Variants in SLCO1B3 observed in about 807,000 individuals in gnomAD.
The protein encoded by SLCO1B3 is liver-specific organic anion transporter 2.
Under a neutral mutation model 71.8 loss-of-function variants are expected in SLCO1B3, and 72 were observed. The ratio of observed to expected loss-of-function variants is 1.00; its 90% CI spans 0.83 to 1.22. SLCO1B3 has a LOEUF of 1.22. SLCO1B3 is among the 50% of genes most tolerant of loss of function. SLCO1B3 has a pLI of 0.00. For missense variants in SLCO1B3, 911 were observed against 819.7 expected, an observed-to-expected ratio of 1.11 and a Z score of -1.36; for synonymous variants, 298 against 278.4, an observed-to-expected ratio of 1.07 and a Z score of -0.70.
At chr12:20,892,653 T>G (rs1196604396) in intron 13 of SLCO1B3, among the ~76,000 whole-genome samples, 3 of 152,274 alleles carry the variant, frequency 2.0e-5, no homozygotes, top group Admixed American at 2.0e-4. Flanking sequence ...TGCTTCTACT[T>G]TCTTTGTTAT....
chr12:20,845,151 C>T, intron 3 of SLCO1B3: 1 of 461,772 alleles, frequency 2.2e-6, no homozygotes. Flanking sequence ...TCATTGAGCT[C>T]ACCGGGCTGA....
At chr12:20,915,771 C>G (rs1383657231) in intron 15 of SLCO1B3, among the ~76,000 whole-genome samples, 1 of 151,982 alleles carries the variant, frequency 6.6e-6, no homozygotes, top group Non-Finnish European at 1.5e-5. Context: ...TCCTCCCTCC[C>G]AAAGGAAGGC....
intron 3 of SLCO1B3, among the ~76,000 whole-genome samples, chr12:20,844,756 G>A (rs983524565): frequency 1.6e-4 from 25 of 152,012 alleles, no homozygotes; most frequent in East Asian, 1.9e-4. Context: ...TCGGCCAGGT[G>A]TGGTAGCTCA....
Position 20,826,919 on chromosome 12 carries a change from C to A in SLCO1B3, c.84+11097C>A, listed in dbSNP as rs533903682. 7.9e-5 allele frequency among the ~76,000 whole-genome samples: 12 copies of A among 151,936 alleles called. 1 individual carries two copies. In the South Asian group the frequency reaches 2.5e-3, roughly 32 times the overall value. Reference sequence around the variant, plus strand: ...CTATATTTTTTTAAATTGGAAATAACCCAGATACTTAATGTAACATAACTT... The same window carrying A: ...CTATATTTTTTTAAATTGGAAATAAACCAGATACTTAATGTAACATAACTT... On this transcript the variant is annotated intron_variant, in intron 3 of 15. Transcript: ENST00000381545.
At chr12:20,823,867 G>T (rs2121101338) in intron 3 of SLCO1B3, among the ~76,000 whole-genome samples, 1 of 152,284 alleles carries the variant, frequency 6.6e-6, no homozygotes, top group South Asian at 2.1e-4. Flanking sequence ...AAGATATGGG[G>T]CTAGTTTTTC....
chr12:20,827,460 TACATGAC>T (rs1158717821), intron 3 of SLCO1B3, among the ~76,000 whole-genome samples: 1 of 152,222 alleles, frequency 6.6e-6, no homozygotes, highest in African/African-American at 2.4e-5. Flanking sequence ...TAGTGAAACG[TACATGAC>T]ACATAAATAC....
chr12:20,830,257 A>C (rs896861578), intron 3 of SLCO1B3, among the ~76,000 whole-genome samples: 3 of 152,184 alleles, frequency 2.0e-5, no homozygotes, highest in Admixed American at 2.0e-4. Context: ...TTGTAAATCA[A>C]AAGGTATGAG....
chr12:20,818,650 A>G (rs1259028256), intron 3 of SLCO1B3, among the ~76,000 whole-genome samples: 1 of 152,184 alleles, frequency 6.6e-6, no homozygotes, highest in Non-Finnish European at 1.5e-5. Context: ...TTGAGGATAG[A>G]TTTCTACGAT....
At chr12:20,915,644 T>A (rs1866476899) in intron 15 of SLCO1B3, among the ~76,000 whole-genome samples, 1 of 152,182 alleles carries the variant, frequency 6.6e-6, no homozygotes, top group Non-Finnish European at 1.5e-5. Context: ...TGATAAGGCC[T>A]CAATCTTTTA....
At chr12:20,903,834 C>A (rs1428943648) in intron 15 of SLCO1B3, among the ~76,000 whole-genome samples, 1 of 152,190 alleles carries the variant, frequency 6.6e-6, no homozygotes, top group Non-Finnish European at 1.5e-5. Context: ...CCCTTCTCAA[C>A]AGTCCCCGTG....
intron 15 of SLCO1B3, among the ~76,000 whole-genome samples, chr12:20,905,885 TC>T (rs1866234301): frequency 6.6e-6 from 1 of 152,198 alleles, no homozygotes; most frequent in South Asian, 2.1e-4. Context: ...TATAGCAGTG[TC>T]CCACTCCCAG....
In SLCO1B3 at chr12:20,887,973, G is replaced by A. The variant is rs369021241; in HGVS notation, c.1682+4371G>A. On this transcript the variant is annotated intron_variant, in intron 13 of 15. Transcript: ENST00000381545. ...TCCAATTTTCCCAGCACCATTTATT[G>A]AATAGGGTGTCCTTTCCTCACTGTA... Among the ~76,000 whole-genome samples, 46 of 151,886 alleles carry A rather than the reference G, an allele frequency of 3.0e-4. 1 individual carries two copies. In the South Asian group the frequency reaches 9.1e-3, roughly 30 times the overall value.
At position 20,883,535 on chromosome 12, in the gene SLCO1B3, G is replaced by A. The variant is rs536840499; in HGVS notation, c.1615G>A (p.Ala539Thr). Residue 539 changes from alanine to threonine, a missense_variant, in exon 13 of 16, where the codon GCA (alanine) becomes ACA (threonine). Coordinates refer to ENST00000381545, the MANE Select transcript of SLCO1B3 (RefSeq NM_019844.4). ...TCTRKFFIYV[A>T]IQVINSLFSA... is the part of the protein sequence containing the mutation. The stretch of plus-strand genomic sequence containing the variant: ...TACAAGGAAATTTTTCATCTATGTT[G>A]CAATTCAAGTCATAAACTCTTTGTT... 4.4e-6 allele frequency: 7 copies of A among 1,604,746 alleles called. No individual in the cohort carries two copies. The South Asian group carries it at 4.5e-5, about 10-fold the overall frequency.
chr12:20,876,955 C>T (rs1437808873), intron 9 of SLCO1B3, among the ~76,000 whole-genome samples: 10 of 151,982 alleles, frequency 6.6e-5, no homozygotes, highest in East Asian at 1.9e-4. Flanking sequence ...CTCAGCCTCC[C>T]GAGTAGCTGG....
chr12:20,876,779 A>T (rs1350808871), intron 9 of SLCO1B3, among the ~76,000 whole-genome samples: 1 of 152,070 alleles, frequency 6.6e-6, no homozygotes. Flanking sequence ...CGTATCAAGG[A>T]TTTTTTATTT....
chr12:20,864,354 A>G (rs4149127), intron 8 of SLCO1B3, among the ~76,000 whole-genome samples: 117,650 of 151,986 alleles, frequency 0.77, 48,853 homozygotes, highest in Non-Finnish European at 0.93. Flanking sequence ...GTTAGCATAT[A>G]ATAACTCATC....
At chr12:20,881,338 A>G (rs866971034) in intron 12 of SLCO1B3, among the ~76,000 whole-genome samples, 1 of 152,196 alleles carries the variant, frequency 6.6e-6, no homozygotes, top group Non-Finnish European at 1.5e-5. Context: ...TCATTTGACT[A>G]AAGCACATGA....
intron 15 of SLCO1B3, among the ~76,000 whole-genome samples, chr12:20,911,934 G>A (rs1866385815): frequency 6.6e-6 from 1 of 151,908 alleles, no homozygotes; most frequent in Non-Finnish European, 1.5e-5. Flanking sequence ...ATTTCACTGT[G>A]CCCTACTTTT....
chr12:20,855,744 A>G (rs1327616036), intron 4 of SLCO1B3, among the ~76,000 whole-genome samples: 1 of 150,634 alleles, frequency 6.6e-6, no homozygotes, highest in Non-Finnish European at 1.5e-5. Context: ...ATTTTATATA[A>G]TAATTGAAAA....
Sources: allele counts gnomAD v4.1 joint callset (sites outside exome capture counted in the v4.1 genomes callset), GRCh38; gene constraint gnomAD v4.1.1; transcripts MANE v1.5; gene names NCBI Gene and HGNC (gene_info 2026-07-23, HGNC 2026-07-21).